The following NR6A1 variants were observed in gnomAD, a reference collection of about 807,000 sequenced individuals.
NR6A1 encodes nuclear receptor subfamily 6 group A member 1.
NR6A1 carries 7 observed loss-of-function variants against 59.1 expected under a neutral mutation model. The ratio of observed to expected loss-of-function variants is 0.12; its 90% CI spans 0.07 to 0.22. The LOEUF (loss-of-function observed/expected upper bound fraction) is 0.22, where lower values mean the gene tolerates loss of function less well. Among genes scored for constraint, NR6A1 ranks in the 10% least tolerant of loss-of-function variants. The pLI is 1.00. For missense variants in NR6A1, 468 were observed against 611.6 expected (o/e 0.77, Z 2.48); for synonymous variants, 243 against 236.1 (o/e 1.03, Z -0.27).
chr9:124,629,533 A>C (rs1836360733), intron 2 of NR6A1, among the ~76,000 whole-genome samples: 1 of 152,226 alleles, frequency 6.6e-6, no homozygotes, highest in Non-Finnish European at 1.5e-5. Context: ...AGAAGATGGG[A>C]ATCAAATATC....
At chr9:124,553,549 CTTT>C (rs780925768) in intron 3 of NR6A1, among the ~76,000 whole-genome samples, 827 of 47,214 alleles carry the variant, frequency 0.018, 5 homozygotes, top group African/African-American at 0.059. Context: ...TTTAGCTTGA[CTTT>C]TTTTTTTTTT....
chr9:124,693,855 G>A (rs1447754378), intron 2 of NR6A1: 1 of 505,358 alleles, frequency 2.0e-6, no homozygotes, highest in African/African-American at 1.9e-5. Context: ...AGCTACTGCT[G>A]TGAGTGGGAG....
At chr9:124,598,929 C>T (rs993451935) in intron 2 of NR6A1, 2 of 701,552 alleles carry the variant, frequency 2.9e-6, no homozygotes, top group East Asian at 2.8e-5. Flanking sequence ...GGGCACTCGT[C>T]GTTCCAGACT....
intron 1 of NR6A1, among the ~76,000 whole-genome samples, chr9:124,745,358 T>C (rs1039136899): frequency 6.6e-6 from 1 of 152,152 alleles, no homozygotes; most frequent in African/African-American, 2.4e-5. Context: ...TATATTGTTT[T>C]TATAAACAGA....
chr9:124,684,087 A>G (rs1372115468), intron 2 of NR6A1, among the ~76,000 whole-genome samples: 2 of 152,080 alleles, frequency 1.3e-5, no homozygotes, highest in East Asian at 3.9e-4. Context: ...TCGCCATACA[A>G]ATTTAGTTCT....
intron 2 of NR6A1, among the ~76,000 whole-genome samples, chr9:124,603,153 G>A (rs1161072352): frequency 1.3e-5 from 2 of 151,958 alleles, no homozygotes; most frequent in Non-Finnish European, 1.5e-5. Context: ...TACTCATCAC[G>A]TAGTATTTTT....
rs555243835 is a variant in NR6A1 at position 124,678,933 on chromosome 9, C to T, written c.142+54375G>A. ...GCTGAGGGCATTCTAGGAAGAAAAGCAGCTGGCCCCGGTGGTTCGTGCCTA... is the reference window on the plus strand; with the variant it reads ...GCTGAGGGCATTCTAGGAAGAAAAGTAGCTGGCCCCGGTGGTTCGTGCCTA... On this transcript the variant is annotated intron_variant, in intron 2 of 9. Transcript: ENST00000487099. Among the ~76,000 whole-genome samples, 60 of 152,186 alleles carry T rather than the reference C, an allele frequency of 3.9e-4. 1 individual carries two copies. The highest frequency in any genetic ancestry group is 1.4e-3 in the African/African-American group (59 of 41,504).
At chr9:124,750,652 C>G (rs998825299) in intron 1 of NR6A1, among the ~76,000 whole-genome samples, 1 of 151,668 alleles carries the variant, frequency 6.6e-6, no homozygotes, top group Admixed American at 6.6e-5. Flanking sequence ...CCCAGCTACT[C>G]GGGAGGCTGA....
chr9:124,614,095 T>A (rs1215014677), intron 2 of NR6A1, among the ~76,000 whole-genome samples: 1 of 151,958 alleles, frequency 6.6e-6, no homozygotes, highest in African/African-American at 2.4e-5. Context: ...AGAACCCAGG[T>A]AGAGCTCAAC....
chr9:124,724,776 T>C (rs1358944988), intron 2 of NR6A1, among the ~76,000 whole-genome samples: 2 of 152,218 alleles, frequency 1.3e-5, no homozygotes, highest in African/African-American at 4.8e-5. Flanking sequence ...CCTTTGACCC[T>C]CTATCTGGCC....
At chr9:124,649,512 A>G (rs1430134343) in intron 2 of NR6A1, among the ~76,000 whole-genome samples, 3 of 152,170 alleles carry the variant, frequency 2.0e-5, no homozygotes, top group Non-Finnish European at 4.4e-5. Flanking sequence ...ACTACAAGAA[A>G]ACACTGGGGA....
chr9:124,764,535 TG>T, intron 1 of NR6A1, among the ~76,000 whole-genome samples: 1 of 152,350 alleles, frequency 6.6e-6, no homozygotes, highest in Admixed American at 6.5e-5. Flanking sequence ...AATAAAAAGC[TG>T]GGAAGATTAT....
chr9:124,618,342 G>A (rs563669358), intron 2 of NR6A1, among the ~76,000 whole-genome samples: 1 of 152,232 alleles, frequency 6.6e-6, no homozygotes, highest in African/African-American at 2.4e-5. Flanking sequence ...AATTAGATGG[G>A]CGTGGTGGCA....
chr9:124,553,925 A>G (rs1266225732), intron 3 of NR6A1, among the ~76,000 whole-genome samples: 2 of 152,174 alleles, frequency 1.3e-5, no homozygotes, highest in African/African-American at 4.8e-5. Flanking sequence ...CAGACTTCTG[A>G]GCATGCCTAG....
At chr9:124,608,878 A>G (rs1334773942) in intron 2 of NR6A1, among the ~76,000 whole-genome samples, 1 of 152,132 alleles carries the variant, frequency 6.6e-6, no homozygotes, top group Non-Finnish European at 1.5e-5. Flanking sequence ...TTTGATTTGC[A>G]TTTCTCTAAT....
At chr9:124,627,214 G>T (rs1327372840) in intron 2 of NR6A1, among the ~76,000 whole-genome samples, 1 of 152,130 alleles carries the variant, frequency 6.6e-6, no homozygotes, top group Non-Finnish European at 1.5e-5. Context: ...TTTTGGCCTA[G>T]GTCATGTACC....
At chr9:124,686,452 C>T (rs1000032972) in intron 2 of NR6A1, among the ~76,000 whole-genome samples, 1 of 152,222 alleles carries the variant, frequency 6.6e-6, no homozygotes, top group Non-Finnish European at 1.5e-5. Context: ...ATATCACCTA[C>T]TGCATGATAT....
Position 124,577,097 on chromosome 9 carries a change from T to C in NR6A1, c.143-22527A>G, listed in dbSNP as rs189434751. Reference sequence around the variant, plus strand: ...CACCAAATGTAATTGTATTTTATTATGACTATGCTTATTTCTCCAGCCAGG... The same window carrying C: ...CACCAAATGTAATTGTATTTTATTACGACTATGCTTATTTCTCCAGCCAGG... On this transcript the variant is annotated intron_variant, in intron 2 of 9. Transcript: ENST00000487099. Among the ~76,000 whole-genome samples, 446 of 152,280 alleles carry C rather than the reference T, an allele frequency of 2.9e-3. 12 individuals carry two copies. Among genetic ancestry groups the C allele is most frequent in the Admixed American group, 6.5e-4 (10 of 15,294 alleles).
intron 2 of NR6A1, among the ~76,000 whole-genome samples, chr9:124,682,086 C>T (rs1838180981): frequency 6.6e-6 from 1 of 152,128 alleles, no homozygotes; most frequent in Non-Finnish European, 1.5e-5. Context: ...CCTCCACCTC[C>T]TTGGTTCAAG....
Sources: gnomAD v4.1 joint callset for allele counts (sites outside exome capture counted in the v4.1 genomes callset) on GRCh38, gnomAD v4.1.1 for gene constraint, MANE v1.5 for transcripts, NCBI Gene and HGNC (gene_info 2026-07-23, HGNC 2026-07-21) for gene names.